PNPLA8: variants seen among roughly 807,000 people sequenced by gnomAD.
PNPLA8 encodes calcium-independent phospholipase A2-gamma.
In PNPLA8, 39 loss-of-function variants were observed where a neutral mutation model predicts 76.9. That is an observed-to-expected ratio of 0.51 (90% confidence interval 0.39 to 0.66). The LOEUF is 0.66. Ranked by LOEUF, PNPLA8 falls within the 30% of genes least tolerant of loss-of-function variation. The probability of loss-of-function intolerance (pLI) is 0.00; values close to 1 mark genes in which losing one functional copy is unlikely to be tolerated. For missense variants in PNPLA8, 887 were observed against 918.0 expected (o/e 0.97, Z 0.44); for synonymous variants, 301 against 307.9 (o/e 0.98, Z 0.24).
chr7:108,478,078 TAAGAGAAA>T (rs1860125196), intron 10 of PNPLA8, among the ~76,000 whole-genome samples: 1 of 152,024 alleles, frequency 6.6e-6, no homozygotes, highest in African/African-American at 2.4e-5. Context: ...ATAAATGCTG[TAAGAGAAA>T]AAGAGAAAAA....
intron 10 of PNPLA8, among the ~76,000 whole-genome samples, chr7:108,478,128 T>C (rs1321342033): frequency 1.3e-5 from 2 of 151,956 alleles, no homozygotes; most frequent in African/African-American, 2.4e-5. Flanking sequence ...AGTGAGATGA[T>C]AAGGAAAATG....
chr7:108,515,114 T>C lies in PNPLA8; in HGVS notation c.378A>G (p.Leu126=). The C allele has an allele frequency of 6.2e-7, 1 of 1,607,400 alleles. No individual in the cohort carries two copies. Among genetic ancestry groups the C allele is most frequent in the Non-Finnish European group, 8.5e-7 (1 of 1,177,462 alleles). The stretch of plus-strand genomic sequence containing the variant: ...TTTGGGAACTTGGCTTAAATTGAGC[T>C]AAACGTGAAATCATTTCATTTTGAT... The part of the protein sequence containing the change: ...FGNQNEMISR[L]AQFKPSSQIL... Residue 126 remains leucine (L), a synonymous_variant, in exon 3 of 11, where the codon TTA becomes TTG. Transcript: ENST00000257694.
In PNPLA8 at chr7:108,496,753, C is replaced by T; in HGVS notation, c.1456G>A (p.Ala486Thr). 6.2e-7 allele frequency: 1 copy of T among 1,605,828 alleles called. No homozygotes were observed. Among genetic ancestry groups the T allele is most frequent in the Non-Finnish European group, 8.5e-7 (1 of 1,176,188 alleles). The stretch of plus-strand genomic sequence containing the variant: ...AACCCCAACATGAAAGCTAATATGG[C>T]ACCTGGAAAAAAGAATCCTTAGCTT... Reference protein sequence around the residue: ...FDYICGVSTGAILAFMLGLFH... With the variant: ...FDYICGVSTGTILAFMLGLFH... Residue 486 changes from alanine to threonine, a missense_variant and splice_region_variant, in exon 7 of 11, where the codon GCC becomes ACC. Physicochemically the swap from Ala to Thr is moderately conservative, Grantham distance 58 (BLOSUM62 0). Transcript: ENST00000257694.
At chr7:108,486,840 T>C (rs1435937251) in intron 9 of PNPLA8, among the ~76,000 whole-genome samples, 20 of 152,118 alleles carry the variant, frequency 1.3e-4, no homozygotes, top group Admixed American at 1.3e-3. Context: ...GTAAGATTTT[T>C]TTCTCAACAG....
intron 7 of PNPLA8, among the ~76,000 whole-genome samples, chr7:108,492,796 G>A (rs191077248): frequency 6.6e-6 from 1 of 152,264 alleles, no homozygotes; most frequent in Non-Finnish European, 1.5e-5. Flanking sequence ...AACAATACTG[G>A]CACCCAGTGA....
chr7:108,527,251 G>A (rs1864129100), upstream of PNPLA8, among the ~76,000 whole-genome samples: 1 of 152,186 alleles, frequency 6.6e-6, no homozygotes, highest in Non-Finnish European at 1.5e-5. Context: ...TGTAGTGGAT[G>A]TTACCCTGAT....
At chr7:108,498,836 A>G (rs2154515734) in intron 5 of PNPLA8, among the ~76,000 whole-genome samples, 1 of 152,334 alleles carries the variant, frequency 6.6e-6, no homozygotes, top group South Asian at 2.1e-4. Flanking sequence ...GGAGAATAAA[A>G]AAACGATGAA....
intron 2 of PNPLA8, among the ~76,000 whole-genome samples, chr7:108,520,183 C>A (rs1271209643): frequency 6.6e-6 from 1 of 152,128 alleles, no homozygotes; most frequent in African/African-American, 2.4e-5. Flanking sequence ...TTCAGCAAAC[C>A]GGCAGAGGTG....
chr7:108,490,452 T>C (rs138027967), intron 8 of PNPLA8, among the ~76,000 whole-genome samples: 2 of 152,338 alleles, frequency 1.3e-5, no homozygotes, highest in African/African-American at 2.4e-5. Flanking sequence ...CATGATTGTA[T>C]TGTATCTAAG....
At chr7:108,505,144 G>C (rs934831738) in intron 4 of PNPLA8, among the ~76,000 whole-genome samples, 1 of 150,130 alleles carries the variant, frequency 6.7e-6, no homozygotes, top group Non-Finnish European at 1.5e-5. Context: ...TTATGATAAA[G>C]GTCTTTTCAA....
intron 10 of PNPLA8, among the ~76,000 whole-genome samples, chr7:108,473,990 C>A (rs1317604742): frequency 1.3e-5 from 2 of 151,838 alleles, no homozygotes; most frequent in African/African-American, 4.8e-5. Context: ...CCATACCCAG[C>A]CTATTATTTT....
intron 7 of PNPLA8, among the ~76,000 whole-genome samples, chr7:108,494,097 A>G (rs1019477923): frequency 1.3e-5 from 2 of 152,230 alleles, no homozygotes; most frequent in South Asian, 2.1e-4. Context: ...CTTACAACAC[A>G]TATCAAAATA....
chr7:108,513,166 A>C (rs1863059914), intron 4 of PNPLA8, among the ~76,000 whole-genome samples: 1 of 152,178 alleles, frequency 6.6e-6, no homozygotes. Context: ...AAATGGACTA[A>C]GCCAGTATGT....
intron 8 of PNPLA8, among the ~76,000 whole-genome samples, chr7:108,488,899 T>G (rs889390383): frequency 6.6e-6 from 1 of 152,230 alleles, no homozygotes; most frequent in African/African-American, 2.4e-5. Context: ...TAGTGTCCTG[T>G]GCCAAGTCCT....
At chr7:108,476,350 G>A (rs777712225) in intron 10 of PNPLA8, among the ~76,000 whole-genome samples, 1 of 152,126 alleles carries the variant, frequency 6.6e-6, no homozygotes, top group East Asian at 1.9e-4. Flanking sequence ...GCGACTGCCC[G>A]ACTAAAGCCA....
chr7:108,507,599 C>CTA (rs1363208074), intron 4 of PNPLA8, among the ~76,000 whole-genome samples: 1 of 151,910 alleles, frequency 6.6e-6, no homozygotes, highest in African/African-American at 2.4e-5. Context: ...TGAGTGAAGA[C>CTA]TATGGCACTG....
intron 8 of PNPLA8, 124 bp from the exon 9 acceptor site, chr7:108,488,077 C>A: frequency 2.2e-6 from 1 of 463,278 alleles, no homozygotes; most frequent in Non-Finnish European, 3.8e-6. Flanking sequence ...AAATATAATG[C>A]TGAAAAAAGA....
At chr7:108,526,625 G>T (rs1354198601), upstream of PNPLA8, among the ~76,000 whole-genome samples, 1 of 152,240 alleles carries the variant, frequency 6.6e-6, no homozygotes, top group African/African-American at 2.4e-5. Context: ...GGTGCCCGGC[G>T]CGGCCGCGCC....
intron 7 of PNPLA8, among the ~76,000 whole-genome samples, chr7:108,492,008 T>C (rs761875384): frequency 3.3e-5 from 5 of 152,190 alleles, no homozygotes; most frequent in Admixed American, 6.5e-5. Context: ...AGTTGGCATT[T>C]GAATTACTAT....
Sources: allele counts gnomAD v4.1 joint callset (sites outside exome capture counted in the v4.1 genomes callset), GRCh38; gene constraint gnomAD v4.1.1; transcripts MANE v1.5; gene names NCBI Gene and HGNC (gene_info 2026-07-23, HGNC 2026-07-21).